C20orf204: variants seen among roughly 807,000 people sequenced by gnomAD.
The protein encoded by C20orf204 is chromosome 20 open reading frame 204.
C20orf204 carries 6 observed loss-of-function variants against 3.6 expected under a neutral mutation model. That is an observed-to-expected ratio of 1.68 (90% CI 0.92 to 3.31). The LOEUF is 3.31. Ranked by LOEUF, C20orf204 falls within the 30% of genes most tolerant of loss-of-function variation. C20orf204 has a pLI of 0.00. For synonymous variants in C20orf204, 80 were observed against 41.4 expected (o/e 1.93, Z -3.58); for missense variants, 167 against 89.7 (o/e 1.86, Z -3.48).
At position 64,038,311 on chromosome 20, in the gene C20orf204, C is replaced by T; in HGVS notation, c.295C>T (p.Leu99=). 1.3e-6 allele frequency: 1 copy of T among 761,238 alleles called. No individual in the cohort carries two copies. Among genetic ancestry groups the T allele is most frequent in the Non-Finnish European group, 2.4e-6 (1 of 410,028 alleles). 47.2% of individuals were successfully genotyped at this position (761,238 alleles called of 1,614,324 possible). A position where few individuals can be genotyped will look rare whatever the true frequency, so the allele number is the denominator to read the frequency against. ...CCCTCCCCAGGAGCACAGTATCCTC[C>T]TGTCCATCTCGTCCCTGGGTCGGAC... ...CGAQKEHSIL[L]SISSLGRTLR... The change falls in exon 3 of 4, where the codon CTG becomes TTG. Residue 99 remains leucine, a synonymous_variant. Coordinates refer to ENST00000636176, the MANE Select transcript of C20orf204 (RefSeq NM_001387010.1).
chr20:64,033,870 A>G (rs1331366201), upstream of C20orf204, among the ~76,000 whole-genome samples: 9 of 152,212 alleles, frequency 5.9e-5, no homozygotes, highest in East Asian at 1.5e-3. Context: ...AATGGTTCTC[A>G]TCTCCAGGTT....
upstream of C20orf204, chr20:64,034,613 T>C (rs1365695257): frequency 6.6e-6 from 1 of 152,274 alleles, no homozygotes; most frequent in East Asian, 1.9e-4. Flanking sequence ...CTGGAACTTG[T>C]GGAGGAGTTT....
At chr20:64,035,365 C>G (rs1018281047), upstream of C20orf204, 1 of 152,286 alleles carries the variant, frequency 6.6e-6, no homozygotes, top group African/African-American at 2.4e-5. Flanking sequence ...TGCAGTGTTA[C>G]AATCCTAGGG....
chr20:64,038,245 T>G lies in C20orf204; in HGVS notation c.279+43T>G, dbSNP rs1481413376. 4.0e-6 allele frequency: 3 copies of G among 741,096 alleles called. No homozygotes were observed. The East Asian group carries it at 7.9e-5, about 20-fold the overall frequency. The allele number at this position is 741,096 out of a possible 1,614,324, so 45.9% of individuals were successfully genotyped here. On this transcript the variant is annotated intron_variant, in intron 2 of 3. Coordinates refer to ENST00000636176, the MANE Select transcript of C20orf204 (RefSeq NM_001387010.1). ...CTACCCAAGCTCGCCGGCCTGCTCC[T>G]CTCTCAGTTTCCCCCCACCCCCACC...
At chr20:64,034,936 G>C (rs2059332631), upstream of C20orf204, 1 of 152,350 alleles carries the variant, frequency 6.6e-6, no homozygotes, top group African/African-American at 2.4e-5. Context: ...TCTGACCTCA[G>C]AGCTGAAATG....
intron 3 of C20orf204, 86 bp downstream of exon 3, chr20:64,038,534 C>G (rs904584529): frequency 5.3e-6 from 3 of 563,918 alleles, no homozygotes; most frequent in Admixed American, 6.8e-5. Context: ...CGGCCCTAGG[C>G]TGAAGTCGGG....
At chr20:64,035,875 C>T, upstream of C20orf204, 1 of 152,694 alleles carries the variant, frequency 6.5e-6, no homozygotes, top group Non-Finnish European at 1.5e-5. Context: ...ACAGAGTCGG[C>T]CCCAGTCTCA....
Position 64,038,028 on chromosome 20 carries a change from C to T in C20orf204, c.105C>T (p.Arg35=), listed in dbSNP as rs1286890113. The change falls in exon 2 of 4, where the codon CGC becomes CGT. Residue 35 remains arginine (R), a synonymous_variant. Coordinates refer to ENST00000636176, the MANE Select transcript of C20orf204 (RefSeq NM_001387010.1). ...CCTGCAGCGTCCCCGACGTGCTCCG[C>T]CACTATCGCGCCATCATCTTCGAGG... ...SPACSVPDVL[R]HYRAIIFEDL... is the part of the protein sequence containing the mutation. 5.7e-6 allele frequency: 3 copies of T among 523,624 alleles called. No individual in the cohort carries two copies. The highest frequency in any genetic ancestry group is 1.0e-5 in the Non-Finnish European group (3 of 298,466). The allele number at this position is 523,624 out of a possible 1,614,324, so 32.4% of individuals were successfully genotyped here. A position where few individuals can be genotyped will look rare whatever the true frequency, so the allele number is the denominator to read the frequency against.
intron 3 of C20orf204, 45 bp from the exon 4 acceptor site, chr20:64,038,577 G>A (rs1471303828): frequency 2.9e-5 from 15 of 517,754 alleles, no homozygotes; most frequent in African/African-American, 4.1e-5. Flanking sequence ...GGCCGGGCCG[G>A]GCGCGGGGGC....
chr20:64,037,869 C>T (rs1407439621), intron 1 of C20orf204, 58 bp from the exon 2 acceptor site: 8 of 406,200 alleles, frequency 2.0e-5, no homozygotes, highest in Non-Finnish European at 3.5e-5. Flanking sequence ...GGTGGGCTGG[C>T]TGCTCCCTGT....
In C20orf204 at chr20:64,038,886, G is replaced by C; in HGVS notation, c.*127G>C. On this transcript the variant is annotated 3_prime_UTR_variant, in exon 4 of 4. Coordinates refer to ENST00000636176, the MANE Select transcript of C20orf204 (RefSeq NM_001387010.1). ...TCGCTCGACGCAGCCCGCGCTCCCC[G>C]GAGGGCCCAGGACTTGGAGAAGGGA... 2 of 734,700 alleles carry C rather than the reference G, an allele frequency of 2.7e-6. No homozygotes were observed. Among genetic ancestry groups the C allele is most frequent in the Non-Finnish European group, 5.0e-6 (2 of 396,582 alleles). 45.5% of individuals were successfully genotyped at this position (734,700 alleles called of 1,614,324 possible).
In C20orf204 at chr20:64,037,911, C is replaced by G. The variant is rs1334034350; in HGVS notation, c.4-16C>G. 2.3e-6 allele frequency: 1 copy of G among 430,238 alleles called. No individual in the cohort carries two copies. The highest frequency in any genetic ancestry group is 4.1e-6 in the Non-Finnish European group (1 of 243,618). 26.7% of individuals were successfully genotyped at this position (430,238 alleles called of 1,614,324 possible). ...AACACCCCCCAGGCCTAACCCCAACCTGCTGTCTCCTCCAGGTACCCCCTA... is the reference window on the plus strand; with the variant it reads ...AACACCCCCCAGGCCTAACCCCAACGTGCTGTCTCCTCCAGGTACCCCCTA... On this transcript the variant is annotated splice_polypyrimidine_tract_variant and intron_variant, in intron 1 of 3. Transcript: ENST00000636176.
rs1401480959 is a variant in C20orf204 at position 64,038,797 on chromosome 20, G to A, written c.*38G>A. On this transcript the variant is annotated 3_prime_UTR_variant, in exon 4 of 4. Coordinates refer to ENST00000636176, the MANE Select transcript of C20orf204 (RefSeq NM_001387010.1). ...TGGCCCTGCGCGGGGAGGAGAACCAGCGGGGCCGCGGCAGAGCCTGGAGAC... is the reference window on the plus strand; with the variant it reads ...TGGCCCTGCGCGGGGAGGAGAACCAACGGGGCCGCGGCAGAGCCTGGAGAC... The A allele has an allele frequency of 1.4e-6, 1 of 696,870 alleles. No homozygotes were observed. Among genetic ancestry groups the A allele is most frequent in the Admixed American group, 2.1e-5 (1 of 48,432 alleles). 43.2% of individuals were successfully genotyped at this position (696,870 alleles called of 1,614,324 possible).
chr20:64,038,784 G>C lies in C20orf204; in HGVS notation c.*25G>C, dbSNP rs1372526753. The C allele has an allele frequency of 1.4e-6, 1 of 697,384 alleles. No individual in the cohort carries two copies. The highest frequency in any genetic ancestry group is 1.5e-5 in the South Asian group (1 of 66,156). The allele number at this position is 697,384 out of a possible 1,614,324, so 43.2% of individuals were successfully genotyped here. A position where few individuals can be genotyped will look rare whatever the true frequency, so the allele number is the denominator to read the frequency against. The stretch of plus-strand genomic sequence containing the variant: ...GCGCGGCCCGTCCTGGCCCTGCGCG[G>C]GGAGGAGAACCAGCGGGGCCGCGGC... On this transcript the variant is annotated 3_prime_UTR_variant, in exon 4 of 4. Transcript: ENST00000636176.
Position 64,038,315 on chromosome 20 carries a change from C to A in C20orf204, c.299C>A (p.Ser100Tyr). 2.7e-6 allele frequency: 2 copies of A among 754,396 alleles called. No homozygotes were observed. The highest frequency in any genetic ancestry group is 4.9e-6 in the Non-Finnish European group (2 of 407,256). 46.7% of individuals were successfully genotyped at this position (754,396 alleles called of 1,614,324 possible). A position where few individuals can be genotyped will look rare whatever the true frequency, so the allele number is the denominator to read the frequency against. Residue 100 changes from serine to tyrosine, a missense_variant, in exon 3 of 4, where the codon TCC becomes TAC. Physicochemically the swap from Ser to Tyr is moderately radical, Grantham distance 144. Coordinates refer to ENST00000636176, the MANE Select transcript of C20orf204 (RefSeq NM_001387010.1). Reference protein sequence around the residue: ...GAQKEHSILLSISSLGRTLRG... With the variant: ...GAQKEHSILLYISSLGRTLRG... The stretch of plus-strand genomic sequence containing the variant: ...CCCCAGGAGCACAGTATCCTCCTGT[C>A]CATCTCGTCCCTGGGTCGGACCCTG...
intron 2 of C20orf204, 27 bp from the exon 3 acceptor site, chr20:64,038,269 C>T (rs772263966): frequency 4.0e-6 from 3 of 745,874 alleles, no homozygotes; most frequent in South Asian, 2.8e-5. Context: ...CCCACCCCCA[C>T]CCCGCCTTCC....
chr20:64,036,597 TC>T (rs939413704), intron 1 of C20orf204: 5 of 152,250 alleles, frequency 3.3e-5, no homozygotes, highest in Admixed American at 2.6e-4. Flanking sequence ...CAGTTGGGAC[TC>T]CCAGGGCAGC....
Position 64,038,040 on chromosome 20 carries a change from C to G in C20orf204, c.117C>G (p.Ala39=). 1.9e-6 allele frequency: 1 copy of G among 519,952 alleles called. No homozygotes were observed. Among genetic ancestry groups the G allele is most frequent in the Non-Finnish European group, 3.4e-6 (1 of 295,584 alleles). 32.2% of individuals were successfully genotyped at this position (519,952 alleles called of 1,614,324 possible). A position where few individuals can be genotyped will look rare whatever the true frequency, so the allele number is the denominator to read the frequency against. ...SVPDVLRHYR[A]IIFEDLQAAV... is the part of the protein sequence containing the mutation. ...CCGACGTGCTCCGCCACTATCGCGC[C>G]ATCATCTTCGAGGATCTGCAGGCCG... is the stretch of plus-strand genomic sequence containing the variant. Residue 39 remains alanine (A), a synonymous_variant, in exon 2 of 4, where the codon GCC becomes GCG. Transcript: ENST00000636176.
At chr20:64,037,872 C>T (rs2059343365) in intron 1 of C20orf204, 55 bp from the exon 2 acceptor site, 2 of 406,906 alleles carry the variant, frequency 4.9e-6, no homozygotes, top group Non-Finnish European at 4.3e-6. Context: ...GGGCTGGCTG[C>T]TCCCTGTGCT....
Sources: gnomAD v4.1 joint callset for allele counts (sites outside exome capture counted in the v4.1 genomes callset) on GRCh38, gnomAD v4.1.1 for gene constraint, MANE v1.5 for transcripts, NCBI Gene and HGNC (gene_info 2026-07-23, HGNC 2026-07-21) for gene names.